The following SLC25A46 variants were observed in gnomAD, a reference collection of about 807,000 sequenced individuals.
SLC25A46 encodes the protein solute carrier family 25 member 46, also known as mitochondrial outer membrane protein SLC25A46.
A neutral mutation model predicts 44.6 loss-of-function variants in SLC25A46; 39 were observed. The observed-to-expected ratio is 0.87, with a 90% confidence interval of 0.68 to 1.14. The LOEUF is 1.14. Ranked by LOEUF, SLC25A46 falls within the 50% of genes most tolerant of loss-of-function variation. SLC25A46 has a pLI of 0.00. For missense variants in SLC25A46, 547 were observed against 522.7 expected (o/e 1.05, Z -0.45); for synonymous variants, 202 against 185.8 (o/e 1.09, Z -0.71).
Position 110,763,240 on chromosome 5 carries a change from C to A in SLC25A46, c.*1458C>A, listed in dbSNP as rs566895710. On this transcript the variant is annotated 3_prime_UTR_variant, in exon 8 of 8. Coordinates refer to ENST00000355943, the MANE Select transcript of SLC25A46 (RefSeq NM_138773.4). ...CACAGTGACTTTGCACTGATATTGT[C>A]CAACCAAGAATGCATACGAATAGAA... 2 of 151,918 alleles carry A rather than the reference C, an allele frequency of 1.3e-5. No individual in the cohort carries two copies. The highest frequency in any genetic ancestry group is 1.3e-4 in the Admixed American group (2 of 15,210). The allele number at this position is 151,918 out of a possible 1,614,324, so 9.4% of individuals were successfully genotyped here. A position where few individuals can be genotyped will look rare whatever the true frequency, so the allele number is the denominator to read the frequency against.
chr5:110,746,335 A>G lies in SLC25A46; in HGVS notation c.451A>G (p.Asn151Asp). The part of the protein sequence containing the change: ...FTVINIMYSF[N>D]KTQGPRALWK... ...AGTCATCAATATTATGTACAGTTTC[A>G]ACAAAACTCAGGTGAGAATTTTGTC... is the stretch of plus-strand genomic sequence containing the variant. The change falls in exon 4 of 8, where the codon AAC becomes GAC. Residue 151 changes from asparagine (N) to aspartate (D), a missense_variant. Physicochemically the swap from Asn to Asp is conservative, Grantham distance 23 (BLOSUM62 1). Coordinates refer to ENST00000355943, the MANE Select transcript of SLC25A46 (RefSeq NM_138773.4). 1 of 1,585,498 alleles carries G rather than the reference A, an allele frequency of 6.3e-7. No homozygotes were observed. Among genetic ancestry groups the G allele is most frequent in the Non-Finnish European group, 8.5e-7 (1 of 1,169,826 alleles).
chr5:110,743,145 C>A (rs1220674665), intron 2 of SLC25A46, among the ~76,000 whole-genome samples: 1 of 151,804 alleles, frequency 6.6e-6, no homozygotes, highest in East Asian at 1.9e-4. Context: ...AGACCTGAAA[C>A]CCACAGCTGT....
rs1413812034 is a variant in SLC25A46 at position 110,755,289 on chromosome 5, A to T, written c.564-176A>T. On this transcript the variant is annotated intron_variant, in intron 5 of 7. Coordinates refer to ENST00000355943, the MANE Select transcript of SLC25A46 (RefSeq NM_138773.4). ...AAACACCTTGTATTTTTTTCTCTCA[A>T]ACCATCACAGTTGTTTACACTGTGT... The T allele has an allele frequency of 6.7e-6, 3 of 450,764 alleles. No homozygotes were observed. The Admixed American group carries it at 1.3e-4, about 20-fold the overall frequency. 27.9% of individuals were successfully genotyped at this position (450,764 alleles called of 1,614,324 possible). A position where few individuals can be genotyped will look rare whatever the true frequency, so the allele number is the denominator to read the frequency against.
chr5:110,756,565 G>T (rs1419024948), intron 6 of SLC25A46, 137 bp from the exon 7 acceptor site: 3 of 537,082 alleles, frequency 5.6e-6, no homozygotes, highest in Non-Finnish European at 9.9e-6. Context: ...TAGGCTGTAG[G>T]TATTAATAGT....
chr5:110,755,402 C>G, intron 5 of SLC25A46, 63 bp from the exon 6 acceptor site: 2 of 1,020,184 alleles, frequency 2.0e-6, no homozygotes, highest in Non-Finnish European at 2.9e-6. Flanking sequence ...GAAAATTGGG[C>G]TAATTCCAGA....
rs191246588 is a variant in SLC25A46, at chr5:110,759,628, C to A, written c.679-1576C>A. Reference sequence around the variant, plus strand: ...CAAGGGGGGAATACAGGAGATGAGGCCTGAGTGGTAAGAGGGGACCAGATT... The same window carrying A: ...CAAGGGGGGAATACAGGAGATGAGGACTGAGTGGTAAGAGGGGACCAGATT... On this transcript the variant is annotated intron_variant, in intron 7 of 7. Transcript: ENST00000355943. Among the ~76,000 whole-genome samples, 13 of 152,094 alleles carry A rather than the reference C, an allele frequency of 8.5e-5. No homozygotes were observed. The East Asian group carries it at 2.5e-3, about 29-fold the overall frequency.
intron 6 of SLC25A46, among the ~76,000 whole-genome samples, chr5:110,756,443 A>T (rs950410001): frequency 1.3e-5 from 2 of 152,134 alleles, no homozygotes; most frequent in African/African-American, 4.8e-5. Flanking sequence ...AGCTATGTGT[A>T]GGTAGATGTC....
At chr5:110,747,261 A>G (rs139638726) in intron 4 of SLC25A46, among the ~76,000 whole-genome samples, 1,684 of 152,268 alleles carry the variant, frequency 0.011, 33 homozygotes, top group African/African-American at 0.039. Flanking sequence ...TTATGGTGAA[A>G]CACCTTGTAA....
chr5:110,739,484 G>C (rs1263297400), intron 1 of SLC25A46, 82 bp downstream of exon 1: 11 of 1,476,778 alleles, frequency 7.4e-6, no homozygotes, highest in Non-Finnish European at 7.1e-6. Context: ...AAGCGGCGCA[G>C]AGGATCCCGC....
At position 110,742,074 on chromosome 5, in the gene SLC25A46, G is replaced by A. The variant is rs763355366; in HGVS notation, c.311G>A (p.Gly104Asp). ...SEQLNRFAGF[G>D]IGLASLFTEN... ...CAGCTGAATAGATTTGCTGGATTTG[G>A]TATTGGACTTGCAAGGTAATGTTTT... The change falls in exon 2 of 8, where the codon GGT (glycine) becomes GAT (aspartate). Residue 104 changes from glycine to aspartate, a missense_variant. Coordinates refer to ENST00000355943, the MANE Select transcript of SLC25A46 (RefSeq NM_138773.4). The A allele has an allele frequency of 1.3e-6, 2 of 1,573,354 alleles. No individual in the cohort carries two copies. The highest frequency in any genetic ancestry group is 1.7e-6 in the Non-Finnish European group (2 of 1,159,530).
chr5:110,760,020 A>G (rs1456937557), intron 7 of SLC25A46, among the ~76,000 whole-genome samples: 1 of 152,172 alleles, frequency 6.6e-6, no homozygotes, highest in Non-Finnish European at 1.5e-5. Flanking sequence ...CTGTAGGTCC[A>G]TTGTGTACCT....
At position 110,761,383 on chromosome 5, in the gene SLC25A46, C is replaced by T; in HGVS notation, c.858C>T (p.Val286=). Residue 286 remains valine, a synonymous_variant, in exon 8 of 8, where the codon GTC becomes GTT. Transcript: ENST00000355943. The surrounding 1 kb of genome is among the most constrained non-coding windows in gnomAD (Gnocchi z 5.3). ...TCAGCTCAGTTATTCAGAAGTTTGT[C>T]CTACTAATTCTAAAGAGAAAGACTT... ...YIISSVIQKF[V]LLILKRKTYN... is the part of the protein sequence containing the mutation. 6.2e-7 allele frequency: 1 copy of T among 1,613,692 alleles called. No homozygotes were observed. The highest frequency in any genetic ancestry group is 8.5e-7 in the Non-Finnish European group (1 of 1,179,796).
At chr5:110,738,163 A>G (rs760907652), upstream of SLC25A46, 51 of 1,211,212 alleles carry the variant, frequency 4.2e-5, no homozygotes, top group Non-Finnish European at 5.4e-5. Context: ...AACGAGTTGA[A>G]GGAACATAGG....
At chr5:110,754,088 G>A (rs1164152934) in intron 5 of SLC25A46, 5 of 151,952 alleles carry the variant, frequency 3.3e-5, no homozygotes, top group Non-Finnish European at 7.4e-5. Context: ...ATCAGAGTTC[G>A]GCCCAGAAGG....
At chr5:110,755,282 T>A (rs1003549865) in intron 5 of SLC25A46, 183 bp from the exon 6 acceptor site, 3 of 433,352 alleles carry the variant, frequency 6.9e-6, no homozygotes, top group African/African-American at 6.3e-5. Context: ...TGTATTTTTT[T>A]CTCTCAAACC....
chr5:110,744,102 G>A (rs1378410939), intron 3 of SLC25A46, among the ~76,000 whole-genome samples: 1 of 152,058 alleles, frequency 6.6e-6, no homozygotes, highest in Admixed American at 6.5e-5. Context: ...TAACTATTTT[G>A]CATTTTTGCA....
intron 7 of SLC25A46, among the ~76,000 whole-genome samples, chr5:110,757,250 C>T (rs1232623734): frequency 6.6e-6 from 1 of 152,102 alleles, no homozygotes; most frequent in Non-Finnish European, 1.5e-5. Flanking sequence ...GTAAATACTA[C>T]AAAGCTGAAG....
intron 2 of SLC25A46, among the ~76,000 whole-genome samples, 190 bp downstream of exon 2, chr5:110,742,279 C>T (rs1799710427): frequency 6.6e-6 from 1 of 151,856 alleles, no homozygotes; most frequent in Non-Finnish European, 1.5e-5. Flanking sequence ...ATAGTTTTTC[C>T]AGTAAGGATA....
intron 7 of SLC25A46, among the ~76,000 whole-genome samples, chr5:110,760,581 G>A (rs760086632): frequency 6.6e-6 from 1 of 152,116 alleles, no homozygotes; most frequent in Non-Finnish European, 1.5e-5. Flanking sequence ...CTTTTGGCAA[G>A]TTCTTTTCTA....
Sources: gnomAD v4.1 joint callset for allele counts (sites outside exome capture counted in the v4.1 genomes callset) on GRCh38, gnomAD v4.1.1 for gene constraint, Gnocchi (gnomAD v3.1) non-coding constraint, MANE v1.5 for transcripts, NCBI Gene and HGNC (gene_info 2026-07-23, HGNC 2026-07-21) for gene names.